Variants in TPST1 observed in about 807,000 individuals in gnomAD.
TPST1 encodes tyrosylprotein sulfotransferase 1.
A neutral mutation model predicts 34.8 loss-of-function variants in TPST1; 20 were observed. That is an observed-to-expected ratio of 0.57 (90% confidence interval 0.40 to 0.84). The LOEUF (loss-of-function observed/expected upper bound fraction) is 0.84, where lower values mean the gene tolerates loss of function less well. Among genes scored for constraint, TPST1 ranks in the 40% least tolerant of loss-of-function variants. The probability of loss-of-function intolerance (pLI) is 0.00; values close to 1 mark genes in which losing one functional copy is unlikely to be tolerated. For synonymous variants in TPST1, 152 were observed against 159.4 expected (o/e 0.95, Z 0.35); for missense variants, 353 against 455.5 (o/e 0.78, Z 2.05).
At chr7:66,235,348 T>G (rs1051073379) in intron 1 of TPST1, among the ~76,000 whole-genome samples, 3 of 152,162 alleles carry the variant, frequency 2.0e-5, no homozygotes, top group African/African-American at 7.2e-5. Flanking sequence ...TCTTAATACT[T>G]TTTTCTTTGC....
intron 1 of TPST1, among the ~76,000 whole-genome samples, chr7:66,210,855 G>C (rs1342698970): frequency 6.6e-6 from 1 of 152,126 alleles, no homozygotes; most frequent in Non-Finnish European, 1.5e-5. Flanking sequence ...TGTAGTTCCA[G>C]CCATGTAGAA....
chr7:66,257,692 C>G (rs1790407128), intron 2 of TPST1, among the ~76,000 whole-genome samples: 1 of 152,156 alleles, frequency 6.6e-6, no homozygotes. Flanking sequence ...GGGTAATAGT[C>G]ACACCCACGA....
chr7:66,351,372 C>T (rs540197509), intron 3 of TPST1, among the ~76,000 whole-genome samples: 1 of 152,192 alleles, frequency 6.6e-6, no homozygotes, highest in African/African-American at 2.4e-5. Flanking sequence ...TGCCACCTTG[C>T]CGTAAACCAG....
At chr7:66,359,817 G>A (rs1419412718) in intron 5 of TPST1, 78 bp from the exon 6 acceptor site, 1 of 451,200 alleles carries the variant, frequency 2.2e-6, no homozygotes, top group Non-Finnish European at 4.5e-6. Flanking sequence ...GCCTGTAGCT[G>A]GGAAGGAAGA....
chr7:66,320,439 G>A (rs1218625834), intron 3 of TPST1, among the ~76,000 whole-genome samples: 18 of 151,258 alleles, frequency 1.2e-4, no homozygotes, highest in Non-Finnish European at 2.4e-4. Context: ...AGTAGAGGCG[G>A]GGTTTCACCA....
At chr7:66,351,935 T>C (rs931773264) in intron 3 of TPST1, among the ~76,000 whole-genome samples, 1 of 152,200 alleles carries the variant, frequency 6.6e-6, no homozygotes, top group Non-Finnish European at 1.5e-5. Context: ...AATTATTGCA[T>C]GTATTAGAAA....
intron 2 of TPST1, among the ~76,000 whole-genome samples, chr7:66,284,169 A>G (rs1306640591): frequency 6.6e-6 from 1 of 152,186 alleles, no homozygotes; most frequent in Non-Finnish European, 1.5e-5. Context: ...CAGACAAGAA[A>G]TGATTATACT....
intron 1 of TPST1, among the ~76,000 whole-genome samples, chr7:66,236,522 A>G (rs1309358583): frequency 3.3e-5 from 5 of 152,104 alleles, no homozygotes; most frequent in African/African-American, 1.2e-4. Flanking sequence ...ATGTATATAT[A>G]CTGCCTTTGC....
chr7:66,340,429 T>C (rs1792213937), intron 3 of TPST1, among the ~76,000 whole-genome samples: 1 of 152,056 alleles, frequency 6.6e-6, no homozygotes, highest in African/African-American at 2.4e-5. Flanking sequence ...GGTACCCAAA[T>C]TGGAAAGGAA....
At chr7:66,268,045 C>T (rs560554956) in intron 2 of TPST1, among the ~76,000 whole-genome samples, 12 of 152,046 alleles carry the variant, frequency 7.9e-5, no homozygotes, top group South Asian at 4.2e-4. Flanking sequence ...CTCCTCCTCT[C>T]GGGCTGAAGT....
chr7:66,324,002 A>G (rs1326963136), intron 3 of TPST1, among the ~76,000 whole-genome samples: 2 of 152,236 alleles, frequency 1.3e-5, no homozygotes, highest in South Asian at 4.1e-4. Context: ...ATGTCCATCT[A>G]CAGATGAATG....
chr7:66,296,245 C>CA (rs1562832571), intron 3 of TPST1, among the ~76,000 whole-genome samples: 2 of 106,024 alleles, frequency 1.9e-5, no homozygotes, highest in Non-Finnish European at 3.7e-5. Context: ...AACACCCACC[C>CA]TTCCCCCCCC....
chr7:66,258,361 A>T (rs930021383), intron 2 of TPST1, among the ~76,000 whole-genome samples: 4 of 152,202 alleles, frequency 2.6e-5, no homozygotes, highest in East Asian at 1.9e-4. Flanking sequence ...CTCACCTGTG[A>T]ATAGTATTTC....
At chr7:66,303,151 ATGC>A (rs144552868) in intron 3 of TPST1, among the ~76,000 whole-genome samples, 3 of 152,284 alleles carry the variant, frequency 2.0e-5, no homozygotes, top group African/African-American at 7.2e-5. Flanking sequence ...TTTATATTAT[ATGC>A]TGCTGCTTTT....
chr7:66,233,578 T>C (rs1323384948), intron 1 of TPST1, among the ~76,000 whole-genome samples: 1 of 152,218 alleles, frequency 6.6e-6, no homozygotes, highest in Non-Finnish European at 1.5e-5. Flanking sequence ...CAGTACTACA[T>C]TGTCTTACGA....
intron 2 of TPST1, among the ~76,000 whole-genome samples, chr7:66,243,567 C>T (rs1790081309): frequency 6.6e-6 from 1 of 151,364 alleles, no homozygotes; most frequent in South Asian, 2.1e-4. Flanking sequence ...TCTCAGCCTC[C>T]CGAGTAGCTG....
intron 3 of TPST1, among the ~76,000 whole-genome samples, chr7:66,320,079 T>C (rs923036417): frequency 8.5e-5 from 13 of 152,114 alleles, no homozygotes; most frequent in Admixed American, 3.3e-4. Flanking sequence ...TTTCTAATAC[T>C]CTTTTACTGA....
rs546043789 is a variant in TPST1, at chr7:66,312,577, A to G, written c.1044+25868A>G. Among the ~76,000 whole-genome samples, 15 of 152,298 alleles carry G rather than the reference A, an allele frequency of 9.8e-5. 1 individual carries two copies. The East Asian group carries it at 1.9e-3, about 20-fold the overall frequency. ...TCCCTTTTTAAAAATCTATTAAAAT[A>G]TCGTTAATTTAAAAAATCCCTTTAA... On this transcript the variant is annotated intron_variant, in intron 3 of 5. Coordinates refer to ENST00000304842, the MANE Select transcript of TPST1 (RefSeq NM_003596.4).
At chr7:66,220,016 AG>A (rs1789507584) in intron 1 of TPST1, among the ~76,000 whole-genome samples, 1 of 152,222 alleles carries the variant, frequency 6.6e-6, no homozygotes, top group African/African-American at 2.4e-5. Context: ...TGATCAATAA[AG>A]GGAGTGGATT....
Sources: gnomAD v4.1 joint callset for allele counts (sites outside exome capture counted in the v4.1 genomes callset) on GRCh38, gnomAD v4.1.1 for gene constraint, MANE v1.5 for transcripts, NCBI Gene and HGNC (gene_info 2026-07-23, HGNC 2026-07-21) for gene names.